Variants in PYHIN1 observed in about 807,000 individuals in gnomAD.
PYHIN1 encodes pyrin and HIN domain-containing protein 1.
Under a neutral mutation model 43.7 loss-of-function variants are expected in PYHIN1, and 32 were observed. The ratio of observed to expected loss-of-function variants is 0.73; its 90% CI spans 0.55 to 0.98. The LOEUF (loss-of-function observed/expected upper bound fraction) is 0.98. Among genes scored for constraint, PYHIN1 ranks in the 50% least tolerant of loss-of-function variants. PYHIN1 has a pLI of 0.00. For missense variants in PYHIN1, 588 were observed against 589.5 expected (o/e 1.00, Z 0.03); for synonymous variants, 205 against 203.1 (o/e 1.01, Z -0.08).
chr1:158,948,010 C>T (rs115475294), intron 7 of PYHIN1, among the ~76,000 whole-genome samples: 1,583 of 152,242 alleles, frequency 0.01, 35 homozygotes, highest in African/African-American at 0.037. Context: ...TGTCCTAGAA[C>T]TTCATCTTAA....
At chr1:158,985,216 T>G in the PYHIN1 span, among the ~76,000 whole-genome samples, 18 of 152,338 alleles carry the variant, frequency 1.2e-4, no homozygotes, top group Admixed American at 7.8e-4. Context: ...CTGGTTGTTA[T>G]GTAGACTTGA....
At chr1:158,978,121 T>A (rs1200566095), downstream of PYHIN1, among the ~76,000 whole-genome samples, 3 of 152,124 alleles carry the variant, frequency 2.0e-5, no homozygotes, top group Non-Finnish European at 2.9e-5. Flanking sequence ...TGTAGTTTTT[T>A]TTTCCTCTTG....
intron 7 of PYHIN1, among the ~76,000 whole-genome samples, chr1:158,954,486 A>G (rs1409715322): frequency 6.7e-6 from 1 of 149,238 alleles, no homozygotes; most frequent in African/African-American, 2.5e-5. Flanking sequence ...CCAGAATTTC[A>G]TATCCAGCCA....
downstream of PYHIN1, among the ~76,000 whole-genome samples, chr1:158,977,673 T>C (rs987265531): frequency 2.6e-5 from 4 of 152,176 alleles, no homozygotes; most frequent in Non-Finnish European, 2.9e-5. Flanking sequence ...CCTGGTGTAA[T>C]TATTTTGTGT....
rs750193567 is a variant in PYHIN1, at chr1:158,936,885, T to A, written c.-20-6T>A. 1 of 1,535,540 alleles carries A rather than the reference T, an allele frequency of 6.5e-7. No homozygotes were observed. Among genetic ancestry groups the A allele is most frequent in the East Asian group, 2.3e-5 (1 of 44,278 alleles). On this transcript the variant is annotated splice_polypyrimidine_tract_variant and splice_region_variant and intron_variant, in intron 1 of 8. Transcript: ENST00000368140. ...TGTAACACTATATACCATTTTTCTC[T>A]TGCAGGCTCACTTATATCTTTAGAG...
intron 8 of PYHIN1, among the ~76,000 whole-genome samples, chr1:158,976,021 T>G (rs1651235973): frequency 6.6e-6 from 1 of 152,064 alleles, no homozygotes; most frequent in Admixed American, 6.6e-5. Context: ...AATTTGAGGG[T>G]GGCCAACATA....
At chr1:158,941,431 G>A (rs1648904548) in intron 4 of PYHIN1, among the ~76,000 whole-genome samples, 1 of 152,086 alleles carries the variant, frequency 6.6e-6, no homozygotes, top group Admixed American at 6.5e-5. Context: ...GCATTCTGAG[G>A]GGTTTAGCCC....
intron 5 of PYHIN1, 89 bp from the exon 6 acceptor site, chr1:158,943,701 A>G (rs1571732073): frequency 2.2e-6 from 2 of 906,630 alleles, no homozygotes; most frequent in East Asian, 5.2e-5. Context: ...GCTGTCTTGC[A>G]TCTTGTTTTT....
At chr1:158,932,155 T>A (rs1032695846) in intron 1 of PYHIN1, among the ~76,000 whole-genome samples, 15 of 152,168 alleles carry the variant, frequency 9.9e-5, no homozygotes, top group African/African-American at 3.1e-4. Flanking sequence ...CCACGCTGTA[T>A]ATGCATAACA....
At chr1:158,946,744 G>A (rs2101669043) in intron 7 of PYHIN1, among the ~76,000 whole-genome samples, 1 of 152,280 alleles carries the variant, frequency 6.6e-6, no homozygotes, top group East Asian at 1.9e-4. Context: ...TGCAGAAGAG[G>A]AGATTTAGGG....
Position 158,955,260 on chromosome 1 carries a change from C to A in PYHIN1, c.1359+10218C>A, listed in dbSNP as rs545694300. 3.2e-4 allele frequency among the ~76,000 whole-genome samples: 49 copies of A among 152,256 alleles called. 1 individual carries two copies. In the South Asian group the frequency reaches 8.7e-3, roughly 27 times the overall value. On this transcript the variant is annotated intron_variant, in intron 7 of 8. Transcript: ENST00000368140. ...CTCTGCACCAACCGGACCTAACAGACATCTACAGAACTCTCCACCCCAAAT... is the reference window on the plus strand; with the variant it reads ...CTCTGCACCAACCGGACCTAACAGAAATCTACAGAACTCTCCACCCCAAAT...
chr1:158,982,645 A>C, the PYHIN1 span, among the ~76,000 whole-genome samples: 1 of 152,156 alleles, frequency 6.6e-6, no homozygotes, highest in African/African-American at 2.4e-5. Flanking sequence ...GTTCCATATA[A>C]ATTTTAGAAT....
At chr1:158,969,328 A>G (rs879087247) in intron 7 of PYHIN1, among the ~76,000 whole-genome samples, 2 of 151,944 alleles carry the variant, frequency 1.3e-5, no homozygotes, top group Admixed American at 6.6e-5. Context: ...AGGCCTATGA[A>G]TCAGATGCCT....
chr1:158,978,294 T>C (rs1651366861), downstream of PYHIN1, among the ~76,000 whole-genome samples: 1 of 151,638 alleles, frequency 6.6e-6, no homozygotes, highest in Non-Finnish European at 1.5e-5. Context: ...TATATATATA[T>C]ATATATGATA....
At chr1:158,951,773 G>C (rs1024634194) in intron 7 of PYHIN1, among the ~76,000 whole-genome samples, 5 of 152,012 alleles carry the variant, frequency 3.3e-5, no homozygotes, top group Admixed American at 3.3e-4. Flanking sequence ...TTTCTACTGG[G>C]GAGCAAAGTT....
chr1:158,990,370 T>C, the PYHIN1 span, among the ~76,000 whole-genome samples: 1 of 152,232 alleles, frequency 6.6e-6, no homozygotes, highest in Admixed American at 6.5e-5. Context: ...TAATCTATTA[T>C]TTCTTTTTTT....
At chr1:158,963,486 C>G (rs1459207887) in intron 7 of PYHIN1, among the ~76,000 whole-genome samples, 4 of 152,098 alleles carry the variant, frequency 2.6e-5, no homozygotes, top group African/African-American at 9.7e-5. Flanking sequence ...CTGAGCTCAT[C>G]CCAGAGCTGC....
At chr1:158,950,271 C>T (rs1412027196) in intron 7 of PYHIN1, among the ~76,000 whole-genome samples, 4 of 152,142 alleles carry the variant, frequency 2.6e-5, no homozygotes, top group Admixed American at 2.6e-4. Context: ...TAGCAAGAAG[C>T]AAATTATCTG....
intron 2 of PYHIN1, 29 bp downstream of exon 2, chr1:158,937,204 C>T: frequency 6.5e-7 from 1 of 1,538,016 alleles, no homozygotes; most frequent in Non-Finnish European, 8.7e-7. Flanking sequence ...CACCCACTCC[C>T]TGCAATGATC....
Sources: allele counts gnomAD v4.1 joint callset (sites outside exome capture counted in the v4.1 genomes callset), GRCh38; gene constraint gnomAD v4.1.1; transcripts MANE v1.5; gene names NCBI Gene and HGNC (gene_info 2026-07-23, HGNC 2026-07-21).